The following CFAP46 variants were observed in gnomAD, a reference collection of about 807,000 sequenced individuals.
CFAP46 encodes cilia- and flagella-associated protein 46.
Under a neutral mutation model 325.7 loss-of-function variants are expected in CFAP46, and 245 were observed. The ratio of observed to expected loss-of-function variants is 0.75; its 90% CI spans 0.68 to 0.84. The LOEUF (loss-of-function observed/expected upper bound fraction) is 0.84, where lower values mean the gene tolerates loss of function less well. Among genes scored for constraint, CFAP46 ranks in the 40% least tolerant of loss-of-function variants. The pLI, the probability that CFAP46 is intolerant of heterozygous loss-of-function variation, is 0.00. For missense variants in CFAP46, 3,346 were observed against 3,543.0 expected, an observed-to-expected ratio of 0.94 and a Z score of 1.41; for synonymous variants, 1,523 against 1,495.9, an observed-to-expected ratio of 1.02 and a Z score of -0.42.
At position 132,834,331 on chromosome 10, in the gene CFAP46, G is replaced by A. The variant is rs143195562; in HGVS notation, c.6867-208C>T. Among the ~76,000 whole-genome samples, 227 of 152,304 alleles carry A rather than the reference G, an allele frequency of 1.5e-3. 1 individual carries two copies. Among genetic ancestry groups the A allele is most frequent in the South Asian group, 0.011 (51 of 4,826 alleles). On this transcript the variant is annotated intron_variant, in intron 48 of 57. Transcript: ENST00000368586. ...TGATCCACCAGCCAAGCTAAACGGT[G>A]CCAGGTGTCCGTCCCCTCTGCCTTC...
chr10:132,844,481 C>T (rs1469013532), intron 44 of CFAP46, among the ~76,000 whole-genome samples: 1 of 152,298 alleles, frequency 6.6e-6, no homozygotes, highest in Non-Finnish European at 1.5e-5. Context: ...GAGGCTGCTG[C>T]GGTGGGCCTG....
At chr10:132,836,275 C>A (rs747142173) in intron 45 of CFAP46, 57 bp from the exon 46 acceptor site, 1 of 1,537,968 alleles carries the variant, frequency 6.5e-7, no homozygotes, top group Middle Eastern at 1.7e-4. Flanking sequence ...ACACACCTCA[C>A]AGCCCAGCTC....
At chr10:132,823,859 G>A (rs1257488847) in intron 50 of CFAP46, among the ~76,000 whole-genome samples, 1 of 148,634 alleles carries the variant, frequency 6.7e-6, no homozygotes, top group Non-Finnish European at 1.5e-5. Flanking sequence ...GTGCTGATGT[G>A]TGCTGTCTGT....
intron 32 of CFAP46, among the ~76,000 whole-genome samples, chr10:132,871,001 CG>C (rs1165591873): frequency 6.6e-6 from 1 of 152,202 alleles, no homozygotes; most frequent in Non-Finnish European, 1.5e-5. Flanking sequence ...CTAACGCAGC[CG>C]GGGACTTTGA....
chr10:132,927,411 C>T (rs1204354694), intron 9 of CFAP46, among the ~76,000 whole-genome samples: 2 of 147,788 alleles, frequency 1.4e-5, no homozygotes, highest in South Asian at 2.1e-4. Flanking sequence ...GCCTCCGTCC[C>T]GGGGAGCAGG....
At chr10:132,921,202 G>A (rs1021403221) in intron 13 of CFAP46, among the ~76,000 whole-genome samples, 4 of 152,212 alleles carry the variant, frequency 2.6e-5, no homozygotes, top group African/African-American at 9.6e-5. Context: ...CGTGCTGGGT[G>A]AAAGCCGCCG....
chr10:132,847,029 C>T lies in CFAP46; in HGVS notation c.6170G>A (p.Gly2057Asp), dbSNP rs778429125. 6.8e-6 allele frequency: 11 copies of T among 1,611,680 alleles called. No individual in the cohort carries two copies. The South Asian group carries it at 1.2e-4, about 18-fold the overall frequency. The change falls in exon 43 of 58, where the codon GGC becomes GAC. Residue 2057 changes from glycine (G) to aspartate (D), a missense_variant. Gly to Asp is a moderately conservative substitution (Grantham distance 94). Coordinates refer to ENST00000368586, the MANE Select transcript of CFAP46 (RefSeq NM_001200049.3). This position sits in a 1 kb window ranked among gnomAD's most constrained non-coding sequence, Gnocchi z 5.2. ...GGCGGCTGCTGCGACATCCAGGAGG[C>T]CACTGCCAAGGGCCACCTGTAGGCA... The part of the protein sequence containing the change: ...LQCLQVALGS[G>D]LLDVAAAASL...
intron 21 of CFAP46, 117 bp downstream of exon 21, chr10:132,909,020 G>A (rs371894822): frequency 1.9e-5 from 13 of 696,376 alleles, no homozygotes; most frequent in South Asian, 3.6e-5. Flanking sequence ...GGGGGAGAGC[G>A]GGGCAGAGTG....
chr10:132,941,666 C>T lies in CFAP46; in HGVS notation c.231G>A (p.Ala77=), dbSNP rs140365525. Residue 77 remains alanine, a synonymous_variant, in exon 3 of 58, where the codon GCG becomes GCA. Transcript: ENST00000368586. ...DCIQMYFKVK[A]PITQFLGRAH... Reference sequence around the variant, plus strand: ...CTCGGCCCAGAAACTGGGTGATGGGCGCCTTCACCTTGAAGTACATTTGGA... The same window carrying T: ...CTCGGCCCAGAAACTGGGTGATGGGTGCCTTCACCTTGAAGTACATTTGGA... 2.2e-5 allele frequency: 36 copies of T among 1,614,022 alleles called. No individual in the cohort carries two copies. Among genetic ancestry groups the T allele is most frequent in the Middle Eastern group, 3.3e-4 (2 of 6,062 alleles).
At chr10:132,934,589 G>A (rs909007742) in intron 8 of CFAP46, among the ~76,000 whole-genome samples, 163 bp downstream of exon 8, 1 of 152,230 alleles carries the variant, frequency 6.6e-6, no homozygotes, top group Admixed American at 6.5e-5. Context: ...CAAATCTCAG[G>A]CCACAAAAGA....
intron 8 of CFAP46, among the ~76,000 whole-genome samples, chr10:132,933,508 G>A (rs887721249): frequency 6.6e-5 from 10 of 152,220 alleles, no homozygotes; most frequent in East Asian, 1.9e-4. Context: ...GATGGAAGAC[G>A]TAAACTCCTT....
chr10:132,897,196 G>A (rs1350427843), intron 24 of CFAP46, among the ~76,000 whole-genome samples: 2 of 152,244 alleles, frequency 1.3e-5, no homozygotes, highest in African/African-American at 4.8e-5. Context: ...GGTATTAGAT[G>A]TAGCAGGACC....
rs751550132 is a variant in CFAP46 at position 132,814,239 on chromosome 10, A to G, written c.7301T>C (p.Val2434Ala). The G allele has an allele frequency of 6.2e-7, 1 of 1,613,576 alleles. No homozygotes were observed. Among genetic ancestry groups the G allele is most frequent in the Non-Finnish European group, 8.5e-7 (1 of 1,179,712 alleles). Residue 2434 changes from valine (V) to alanine (A), a missense_variant, in exon 54 of 58, where the codon GTC (valine) becomes GCC (alanine). By Grantham distance (64) the Val-to-Ala change is moderately conservative. Coordinates refer to ENST00000368586, the MANE Select transcript of CFAP46 (RefSeq NM_001200049.3). ...TTCCAAAATGTCTTGGGTGATGGAGACAGGAGTTAGCATTTCTGCAAGGAG... is the reference window on the plus strand; with the variant it reads ...TTCCAAAATGTCTTGGGTGATGGAGGCAGGAGTTAGCATTTCTGCAAGGAG... ...EAQGPEMLTP[V>A]SITQDILERF...
At chr10:132,823,504 GTGTGCTGA>G (rs1170343110) in intron 50 of CFAP46, among the ~76,000 whole-genome samples, 9 of 128,358 alleles carry the variant, frequency 7.0e-5, no homozygotes, top group Non-Finnish European at 1.2e-4. Context: ...GATGTGTGCT[GTGTGCTGA>G]TGTGTGCTGT....
chr10:132,867,505 C>A lies in CFAP46; in HGVS notation c.4613G>T (p.Cys1538Phe). 6.5e-7 allele frequency: 1 copy of A among 1,549,738 alleles called. No individual in the cohort carries two copies. Among genetic ancestry groups the A allele is most frequent in the Non-Finnish European group, 8.7e-7 (1 of 1,146,868 alleles). Residue 1538 changes from cysteine (C) to phenylalanine (F), a missense_variant and splice_region_variant, in exon 34 of 58, where the codon TGC becomes TTC. Cys to Phe is a radical substitution (Grantham distance 205). Coordinates refer to ENST00000368586, the MANE Select transcript of CFAP46 (RefSeq NM_001200049.3). ...VCVSELEQAS[C>F]RKEIALKKEK... ...TTTTTTCAACGCGATCTCTTTTCTG[C>A]AGCTAATGCGAGGAAAACAGACAAT...
At position 132,909,258 on chromosome 10, in the gene CFAP46, T is replaced by A. The variant is rs558198706; in HGVS notation, c.2650-14A>T. On this transcript the variant is annotated splice_polypyrimidine_tract_variant and intron_variant, in intron 20 of 57. Transcript: ENST00000368586. ...CTCATTGGTGCCCTGGTGGGGAGGATGCCCTGAGTGTATCAGCCCAAGCGT... is the reference window on the plus strand; with the variant it reads ...CTCATTGGTGCCCTGGTGGGGAGGAAGCCCTGAGTGTATCAGCCCAAGCGT... 204 of 1,540,534 alleles carry A rather than the reference T, an allele frequency of 1.3e-4. 1 individual carries two copies. The highest frequency in any genetic ancestry group is 6.7e-4 in the Middle Eastern group (4 of 5,966).
intron 39 of CFAP46, among the ~76,000 whole-genome samples, chr10:132,854,635 C>G (rs1485265264): frequency 6.6e-6 from 1 of 152,104 alleles, no homozygotes; most frequent in East Asian, 1.9e-4. Context: ...CTGTGCCCGG[C>G]CAGCTTTCTG....
chr10:132,886,536 A>C lies in CFAP46; in HGVS notation c.3305-577T>G, dbSNP rs1849134519. 6.6e-6 allele frequency among the ~76,000 whole-genome samples: 1 copy of C among 152,144 alleles called. No homozygotes were observed. Among genetic ancestry groups the C allele is most frequent in the Non-Finnish European group, 1.5e-5 (1 of 68,014 alleles). On this transcript the variant is annotated intron_variant, in intron 25 of 57. Coordinates refer to ENST00000368586, the MANE Select transcript of CFAP46 (RefSeq NM_001200049.3). The surrounding 1 kb of genome is among the most constrained non-coding windows in gnomAD (Gnocchi z 5.8). ...GCCTCCATAGGGCGCCCTGTGGGCCATCAGTGCCCCCAAATGCACGAAGCC... is the reference window on the plus strand; with the variant it reads ...GCCTCCATAGGGCGCCCTGTGGGCCCTCAGTGCCCCCAAATGCACGAAGCC...
chr10:132,813,949 C>T (rs576516739), intron 54 of CFAP46, among the ~76,000 whole-genome samples: 5 of 152,336 alleles, frequency 3.3e-5, no homozygotes, highest in South Asian at 2.1e-4. Flanking sequence ...GGCCCCAGGT[C>T]GCCATCTGTA....
Sources: allele counts gnomAD v4.1 joint callset (sites outside exome capture counted in the v4.1 genomes callset), GRCh38; gene constraint gnomAD v4.1.1; non-coding constraint Gnocchi (gnomAD v3.1); transcripts MANE v1.5; gene names NCBI Gene and HGNC (gene_info 2026-07-23, HGNC 2026-07-21).